Variants in FARP2 observed in about 807,000 individuals in gnomAD.
The protein encoded by FARP2 is FERM, ARHGEF and pleckstrin domain-containing protein 2.
FARP2 carries 111 observed loss-of-function variants against 130.5 expected under a neutral mutation model. The ratio of observed to expected loss-of-function variants is 0.85; its 90% confidence interval spans 0.73 to 1.00. FARP2 has a LOEUF of 1.00. Among genes scored for constraint, FARP2 ranks in the 50% least tolerant of loss-of-function variants. The pLI, the probability that FARP2 is intolerant of heterozygous loss-of-function variation, is 0.00. For missense variants in FARP2, 1,385 were observed against 1,346.3 expected (o/e 1.03, Z -0.45); for synonymous variants, 504 against 516.9 (o/e 0.98, Z 0.34).
intron 13 of FARP2, among the ~76,000 whole-genome samples, chr2:241,453,526 G>C (rs1289430573): frequency 1.3e-5 from 2 of 151,702 alleles, no homozygotes; most frequent in African/African-American, 4.8e-5. Flanking sequence ...GGAGGCTGAG[G>C]CAGGAGAATG....
In FARP2 at chr2:241,482,791, G is replaced by A. The variant is rs902370908; in HGVS notation, c.2263-674G>A. ...AGGAACAGATGGTGGAAGGGCTCCA[G>A]AGCAGTCCAGGTTAGGAATCTGAGG... On this transcript the variant is annotated intron_variant, in intron 19 of 26. Coordinates refer to ENST00000264042, the MANE Select transcript of FARP2 (RefSeq NM_014808.4). This position sits in a 1 kb window ranked among gnomAD's most constrained non-coding sequence, Gnocchi z 4.6. Among the ~76,000 whole-genome samples, 4 of 152,294 alleles carry A rather than the reference G, an allele frequency of 2.6e-5. No individual in the cohort carries two copies. Among genetic ancestry groups the A allele is most frequent in the Middle Eastern group, 3.4e-3 (1 of 292 alleles).
chr2:241,411,143 C>T lies in FARP2; in HGVS notation c.508+13C>T, dbSNP rs1345097135. The T allele has an allele frequency of 6.3e-7, 1 of 1,580,436 alleles. No individual in the cohort carries two copies. Among genetic ancestry groups the T allele is most frequent in the African/African-American group, 1.3e-5 (1 of 74,516 alleles). On this transcript the variant is annotated intron_variant, in intron 6 of 26. Coordinates refer to ENST00000264042, the MANE Select transcript of FARP2 (RefSeq NM_014808.4). The stretch of plus-strand genomic sequence containing the variant: ...CATCTCCTGCAGTGTGAGTATCTCC[C>T]CGCCAGCGGGGAGCATTCACTGACC...
At chr2:241,448,982 G>T (rs2063578754) in intron 13 of FARP2, among the ~76,000 whole-genome samples, 1 of 152,170 alleles carries the variant, frequency 6.6e-6, no homozygotes, top group Non-Finnish European at 1.5e-5. Context: ...CCAATACCTG[G>T]ACCCCTTGCC....
intron 8 of FARP2, among the ~76,000 whole-genome samples, chr2:241,425,741 CTT>C (rs34033002): frequency 0.31 from 34,177 of 111,310 alleles, 4,577 homozygotes; most frequent in Middle Eastern, 0.51. Context: ...CTCTCTCTCT[CTT>C]TTTTTTTTTT....
In FARP2 at chr2:241,475,731, T is replaced by C; in HGVS notation, c.2132-126T>C. 1.3e-6 allele frequency: 1 copy of C among 765,716 alleles called. No homozygotes were observed. The highest frequency in any genetic ancestry group is 1.9e-6 in the Non-Finnish European group (1 of 532,170). The allele number at this position is 765,716 out of a possible 1,614,324, so 47.4% of individuals were successfully genotyped here. A position where few individuals can be genotyped will look rare whatever the true frequency, so the allele number is the denominator to read the frequency against. On this transcript the variant is annotated intron_variant, in intron 18 of 26. Coordinates refer to ENST00000264042, the MANE Select transcript of FARP2 (RefSeq NM_014808.4). This position sits in a 1 kb window ranked among gnomAD's most constrained non-coding sequence, Gnocchi z 4.4. ...TGTTGGGGACCGCTGCTATAAGGAG[T>C]CGAGTAGGATGTACCTCTAATTAGA...
intron 21 of FARP2, among the ~76,000 whole-genome samples, chr2:241,487,181 A>G (rs1472705200): frequency 6.6e-6 from 1 of 152,234 alleles, no homozygotes; most frequent in African/African-American, 2.4e-5. Flanking sequence ...TACTTTGCCT[A>G]CAATTTAGTT....
chr2:241,390,115 C>T (rs982877330), intron 2 of FARP2, among the ~76,000 whole-genome samples: 2 of 152,200 alleles, frequency 1.3e-5, no homozygotes, highest in African/African-American at 2.4e-5. Context: ...GTTCTTAGGG[C>T]TTCTGCTGAA....
At chr2:241,425,927 AT>A (rs530395257) in intron 8 of FARP2, among the ~76,000 whole-genome samples, 2 of 145,828 alleles carry the variant, frequency 1.4e-5, no homozygotes, top group Non-Finnish European at 1.5e-5. Flanking sequence ...GCATTTGGCG[AT>A]TTTTTTTTTA....
chr2:241,433,665 T>C (rs1362879143), intron 9 of FARP2, among the ~76,000 whole-genome samples: 1 of 152,178 alleles, frequency 6.6e-6, no homozygotes, highest in Non-Finnish European at 1.5e-5. Context: ...ACTATGAATA[T>C]ATATACTGTC....
At chr2:241,383,767 A>G (rs1405638426) in intron 2 of FARP2, among the ~76,000 whole-genome samples, 1 of 152,114 alleles carries the variant, frequency 6.6e-6, no homozygotes, top group African/African-American at 2.4e-5. Flanking sequence ...CCCAGGAGCC[A>G]ACATGGTGCA....
chr2:241,458,316 G>C (rs1481813398), intron 14 of FARP2, among the ~76,000 whole-genome samples: 2 of 152,116 alleles, frequency 1.3e-5, no homozygotes, highest in Non-Finnish European at 2.9e-5. Context: ...ACAGGGGGAG[G>C]TATGTCATTG....
chr2:241,441,690 G>C (rs1254275676), intron 13 of FARP2, 134 bp downstream of exon 13: 2 of 1,306,104 alleles, frequency 1.5e-6, no homozygotes, highest in Admixed American at 3.7e-5. Flanking sequence ...ACAATGGTGG[G>C]GATGACTTTA....
chr2:241,443,729 C>T (rs766722096), intron 13 of FARP2: 3 of 152,338 alleles, frequency 2.0e-5, no homozygotes, highest in African/African-American at 2.4e-5. Flanking sequence ...CCCTAGATGA[C>T]ACTGTTCAAT....
intron 11 of FARP2, among the ~76,000 whole-genome samples, chr2:241,435,584 T>C (rs2063206338): frequency 6.7e-6 from 1 of 150,076 alleles, no homozygotes; most frequent in Non-Finnish European, 1.5e-5. Context: ...CGATCTCGGC[T>C]CACTGCAAGC....
chr2:241,400,330 G>A (rs897954749), intron 2 of FARP2, among the ~76,000 whole-genome samples: 5 of 152,204 alleles, frequency 3.3e-5, no homozygotes, highest in African/African-American at 7.2e-5. Context: ...TGGACAGTCC[G>A]GGAATCTGGC....
At chr2:241,486,461 C>CAAAAAAAAAAAAAAA (rs56961097) in intron 21 of FARP2, among the ~76,000 whole-genome samples, 1 of 50,018 alleles carries the variant, frequency 2.0e-5, no homozygotes. Context: ...GACCTCGTCT[C>CAAAAAAAAAAAAAAA]AAAAAAAAAA....
intron 8 of FARP2, among the ~76,000 whole-genome samples, chr2:241,425,634 TA>T (rs1167925220): frequency 0.26 from 11,723 of 45,910 alleles, 461 homozygotes; most frequent in Admixed American, 0.35. Context: ...TCCTACCAAG[TA>T]AAAAAAAAAA....
chr2:241,473,648 C>T (rs558026469), intron 18 of FARP2, among the ~76,000 whole-genome samples: 1 of 152,280 alleles, frequency 6.6e-6, no homozygotes, highest in South Asian at 2.1e-4. Flanking sequence ...GGCACTGGTG[C>T]TCTTTGAGTG....
intron 17 of FARP2, among the ~76,000 whole-genome samples, chr2:241,464,409 A>G (rs980987543): frequency 2.1e-5 from 3 of 141,272 alleles, no homozygotes; most frequent in African/African-American, 8.0e-5. Context: ...AGTGCAGGGT[A>G]CCCTCAGAAC....
Sources: gnomAD v4.1 joint callset for allele counts (sites outside exome capture counted in the v4.1 genomes callset) on GRCh38, gnomAD v4.1.1 for gene constraint, Gnocchi (gnomAD v3.1) non-coding constraint, MANE v1.5 for transcripts, NCBI Gene and HGNC (gene_info 2026-07-23, HGNC 2026-07-21) for gene names.